The following SLC9A9 variants were observed in gnomAD, a reference collection of about 807,000 sequenced individuals.
SLC9A9 encodes the protein solute carrier family 9 member A9.
A neutral mutation model predicts 77.8 loss-of-function variants in SLC9A9; 62 were observed. That is an observed-to-expected ratio of 0.80 (90% CI 0.65 to 0.98). The LOEUF (loss-of-function observed/expected upper bound fraction) is 0.98, where lower values mean the gene tolerates loss of function less well. SLC9A9 is among the 50% of genes least tolerant of loss of function. The pLI is 0.00. For synonymous variants in SLC9A9, 320 were observed against 283.5 expected (o/e 1.13, Z -1.29); for missense variants, 775 against 774.9 (o/e 1.00, Z 0.00).
intron 14 of SLC9A9, among the ~76,000 whole-genome samples, chr3:143,315,077 G>A (rs1559864083): frequency 6.6e-6 from 1 of 152,160 alleles, no homozygotes; most frequent in Admixed American, 6.5e-5. Context: ...TGATACTCAA[G>A]GAAATTACAG....
chr3:143,546,191 A>C (rs1330559682), intron 9 of SLC9A9, among the ~76,000 whole-genome samples: 2 of 152,230 alleles, frequency 1.3e-5, no homozygotes, highest in Non-Finnish European at 2.9e-5. Flanking sequence ...AGAGTCATGC[A>C]CAGAACATAT....
chr3:143,627,954 T>C (rs944983150), intron 6 of SLC9A9, among the ~76,000 whole-genome samples: 1 of 152,276 alleles, frequency 6.6e-6, no homozygotes, highest in African/African-American at 2.4e-5. Context: ...ACTTCTCCAA[T>C]TAAACTGTGA....
intron 6 of SLC9A9, among the ~76,000 whole-genome samples, chr3:143,607,820 A>G (rs932651299): frequency 2.6e-5 from 4 of 151,692 alleles, no homozygotes; most frequent in African/African-American, 9.7e-5. Context: ...TAACAGATGT[A>G]TATTTAATAT....
intron 6 of SLC9A9, among the ~76,000 whole-genome samples, chr3:143,586,556 T>C (rs973184162): frequency 2.6e-5 from 4 of 152,288 alleles, no homozygotes; most frequent in South Asian, 2.1e-4. Flanking sequence ...TCTTTATGCC[T>C]TAAAAAAAAG....
chr3:143,646,392 A>AT (rs1324548284), intron 6 of SLC9A9, among the ~76,000 whole-genome samples: 2 of 148,454 alleles, frequency 1.3e-5, no homozygotes, highest in African/African-American at 4.9e-5. Context: ...GCACATATAA[A>AT]TTTGGCTGTG....
chr3:143,503,935 T>C (rs1466954827), intron 9 of SLC9A9: 16 of 369,290 alleles, frequency 4.3e-5, no homozygotes, highest in East Asian at 7.6e-5. Flanking sequence ...GGCTTCCTTA[T>C]CTAAGTGAGC....
intron 6 of SLC9A9, among the ~76,000 whole-genome samples, chr3:143,633,369 T>C (rs2038460483): frequency 6.6e-6 from 1 of 152,216 alleles, no homozygotes; most frequent in African/African-American, 2.4e-5. Flanking sequence ...TTTATATGCA[T>C]TGCTATACAG....
intron 6 of SLC9A9, among the ~76,000 whole-genome samples, chr3:143,618,599 G>A (rs1021989908): frequency 6.6e-6 from 1 of 152,174 alleles, no homozygotes; most frequent in Non-Finnish European, 1.5e-5. Context: ...GCTGGTGAGA[G>A]AGAGGTGGCC....
chr3:143,297,944 C>T (rs1336345691), intron 14 of SLC9A9, among the ~76,000 whole-genome samples: 3 of 151,976 alleles, frequency 2.0e-5, no homozygotes, highest in South Asian at 2.1e-4. Flanking sequence ...AAATGGTAAC[C>T]GTTGGGTTGG....
At chr3:143,672,786 T>G (rs2039179040) in intron 5 of SLC9A9, among the ~76,000 whole-genome samples, 2 of 152,236 alleles carry the variant, frequency 1.3e-5, no homozygotes, top group African/African-American at 4.8e-5. Context: ...TTTATGCAGA[T>G]GTTCCCACAT....
intron 5 of SLC9A9, among the ~76,000 whole-genome samples, chr3:143,690,379 A>C (rs6782176): frequency 0.97 from 147,511 of 152,122 alleles, 71,559 homozygotes; most frequent in East Asian, 1. Flanking sequence ...AAAACAATTG[A>C]CAATCCAGCA....
intron 12 of SLC9A9, among the ~76,000 whole-genome samples, chr3:143,460,316 A>G (rs893973133): frequency 1.3e-5 from 2 of 152,190 alleles, no homozygotes; most frequent in Admixed American, 6.5e-5. Flanking sequence ...AGCTGCATTC[A>G]GAGGGAGAGA....
chr3:143,496,126 T>C (rs140572773), intron 9 of SLC9A9, among the ~76,000 whole-genome samples: 181 of 152,288 alleles, frequency 1.2e-3, no homozygotes, highest in Admixed American at 2.4e-3. Context: ...AAGAACACAA[T>C]AGATACATCA....
chr3:143,599,213 T>G (rs2037806371), intron 6 of SLC9A9, among the ~76,000 whole-genome samples: 1 of 152,250 alleles, frequency 6.6e-6, no homozygotes, highest in Non-Finnish European at 1.5e-5. Context: ...CCATCTCATA[T>G]AACTATTTAA....
At chr3:143,575,099 T>C (rs564559122) in intron 7 of SLC9A9, among the ~76,000 whole-genome samples, 1 of 152,360 alleles carries the variant, frequency 6.6e-6, no homozygotes, top group East Asian at 1.9e-4. Context: ...TTCTTGACTC[T>C]GCCAGTGACT....
At chr3:143,832,668 G>T (rs951582454) in intron 1 of SLC9A9, among the ~76,000 whole-genome samples, 6 of 151,476 alleles carry the variant, frequency 4.0e-5, no homozygotes, top group Non-Finnish European at 8.8e-5. Flanking sequence ...GGGGTGAGAG[G>T]TGTTCTTGTT....
At chr3:143,500,078 C>A (rs1005636066) in intron 9 of SLC9A9, among the ~76,000 whole-genome samples, 7 of 151,824 alleles carry the variant, frequency 4.6e-5, no homozygotes, top group African/African-American at 1.7e-4. Context: ...TTCCTGTTCT[C>A]TTCCTTAAAT....
At chr3:143,827,585 A>G (rs1183577699) in intron 2 of SLC9A9, among the ~76,000 whole-genome samples, 1 of 152,108 alleles carries the variant, frequency 6.6e-6, no homozygotes, top group Non-Finnish European at 1.5e-5. Flanking sequence ...TTCTTATTGG[A>G]AGGAACTCAC....
At chr3:143,473,123 T>A (rs545636973) in intron 11 of SLC9A9, among the ~76,000 whole-genome samples, 8 of 152,276 alleles carry the variant, frequency 5.3e-5, no homozygotes, top group Non-Finnish European at 1.2e-4. Flanking sequence ...ACGAGGTATA[T>A]GAGAGCCCAG....
Sources: gnomAD v4.1 joint callset for allele counts (sites outside exome capture counted in the v4.1 genomes callset) on GRCh38, gnomAD v4.1.1 for gene constraint, MANE v1.5 for transcripts, NCBI Gene and HGNC (gene_info 2026-07-23, HGNC 2026-07-21) for gene names.